Variants in GALNT5 observed in about 807,000 individuals in gnomAD.
GALNT5 encodes UDP-GalNAc:polypeptide N-acetylgalactosaminyltransferase 5.
A neutral mutation model predicts 85.4 loss-of-function variants in GALNT5; 72 were observed. That is an observed-to-expected ratio of 0.84 (90% CI 0.70 to 1.03). GALNT5 has a LOEUF of 1.03. Ranked by LOEUF, GALNT5 falls within the 50% of genes least tolerant of loss-of-function variation. The pLI is 0.00. For missense variants in GALNT5, 1,137 were observed against 1,135.5 expected, an observed-to-expected ratio of 1.00 and a Z score of -0.02; for synonymous variants, 404 against 397.0, an observed-to-expected ratio of 1.02 and a Z score of -0.21.
rs866069211 is a variant in GALNT5, at chr2:157,316,732, T to G, written c.*5384T>G. On this transcript the variant is annotated 3_prime_UTR_variant, in exon 10 of 10. Transcript: ENST00000259056. ...AGCTTAATGGATAGTATTCCAGGTG[T>G]TGGTGGTGTCTGTATCTCAAAGAAA... Among the ~76,000 whole-genome samples, 18 of 152,168 alleles carry G rather than the reference T, an allele frequency of 1.2e-4. No individual in the cohort carries two copies. Among genetic ancestry groups the G allele is most frequent in the African/African-American group, 3.6e-4 (15 of 41,446 alleles).
At position 157,308,562 on chromosome 2, in the gene GALNT5, C is replaced by T. The variant is rs975608519; in HGVS notation, c.2521-5C>T. 4 of 1,599,900 alleles carry T rather than the reference C, an allele frequency of 2.5e-6. No individual in the cohort carries two copies. Among genetic ancestry groups the T allele is most frequent in the Admixed American group, 3.6e-5 (2 of 56,050 alleles). On this transcript the variant is annotated splice_polypyrimidine_tract_variant and splice_region_variant and intron_variant, in intron 8 of 9. Coordinates refer to ENST00000259056, the MANE Select transcript of GALNT5 (RefSeq NM_014568.3). ...AAGTGACCTCTTTATTCATTTCCCC[C>T]ACAGCTTCAACAATTTAATTACACC...
At chr2:157,303,382 C>T (rs1473284215) in intron 7 of GALNT5, among the ~76,000 whole-genome samples, 1 of 152,088 alleles carries the variant, frequency 6.6e-6, no homozygotes, top group Non-Finnish European at 1.5e-5. Context: ...TGGATTAAAC[C>T]GCTGGCAAAT....
chr2:157,291,680 A>C (rs2105151729), intron 3 of GALNT5, among the ~76,000 whole-genome samples: 1 of 145,676 alleles, frequency 6.9e-6, no homozygotes, highest in East Asian at 2.0e-4. Context: ...TCTGTAAACA[A>C]TCCAGTATTA....
Position 157,286,141 on chromosome 2 carries a change from A to G in GALNT5, c.1741+7A>G, listed in dbSNP as rs745390994. ...GGAGCACAGAATGCAACAGGTAAGA[A>G]GTTACTCATTTTTTTGTTTGTTACA... is the stretch of plus-strand genomic sequence containing the variant. On this transcript the variant is annotated splice_region_variant and intron_variant, in intron 3 of 9. Coordinates refer to ENST00000259056, the MANE Select transcript of GALNT5 (RefSeq NM_014568.3). 1.9e-6 allele frequency: 3 copies of G among 1,603,282 alleles called. No individual in the cohort carries two copies. The Admixed American group carries it at 5.3e-5, about 28-fold the overall frequency.
Position 157,258,987 on chromosome 2 carries a change from C to G in GALNT5, c.905C>G (p.Ser302Ter). 1 of 1,499,002 alleles carries G rather than the reference C, an allele frequency of 6.7e-7. No homozygotes were observed. The highest frequency in any genetic ancestry group is 1.4e-5 in the South Asian group (1 of 69,202). 92.9% of individuals were successfully genotyped at this position (1,499,002 alleles called of 1,614,324 possible). A position where few individuals can be genotyped will look rare whatever the true frequency, so the allele number is the denominator to read the frequency against. ...AATGAGACACCTTTGGGAAGTTTGT[C>G]AAAGGATGATGGAGCTAGAGGGGCT... ...SINETPLGSL[S>*]KDDGARGAHG... The change falls in exon 1 of 10, where the codon TCA (serine) becomes TGA (stop). Residue 302 changes from serine (S) to a stop codon, truncating the protein, a stop_gained. Coordinates refer to ENST00000259056, the MANE Select transcript of GALNT5 (RefSeq NM_014568.3). LOFTEE classifies it high-confidence loss of function.
chr2:157,301,263 A>G (rs2105163361), intron 7 of GALNT5, among the ~76,000 whole-genome samples: 2 of 152,352 alleles, frequency 1.3e-5, no homozygotes, highest in South Asian at 4.1e-4. Flanking sequence ...AGGGTGATGA[A>G]TGAAGTAGAC....
At chr2:157,263,240 C>G (rs1473392814) in intron 1 of GALNT5, among the ~76,000 whole-genome samples, 1 of 152,144 alleles carries the variant, frequency 6.6e-6, no homozygotes, top group East Asian at 1.9e-4. Flanking sequence ...GCACCCTGCA[C>G]ATGACATTTT....
intron 6 of GALNT5, 41 bp from the exon 7 acceptor site, chr2:157,300,635 T>G: frequency 6.9e-7 from 1 of 1,455,866 alleles, no homozygotes; most frequent in East Asian, 2.3e-5. Context: ...GATTTGTGGA[T>G]AATCATTTGA....
chr2:157,286,016 C>T lies in GALNT5; in HGVS notation c.1623C>T (p.Asp541=), dbSNP rs762079612. The change falls in exon 3 of 10, where the codon GAC becomes GAT. Residue 541 remains aspartate (D), a splice_region_variant and synonymous_variant. Coordinates refer to ENST00000259056, the MANE Select transcript of GALNT5 (RefSeq NM_014568.3). The part of the protein sequence containing the change: ...ILLVDDFSTK[D]YLKDNLDKYM... ...TGGTTTATCTTTACTCTGATGTAGA[C>T]TATCTAAAAGATAATTTGGATAAAT... 8 of 1,593,710 alleles carry T rather than the reference C, an allele frequency of 5.0e-6. No individual in the cohort carries two copies. Among genetic ancestry groups the T allele is most frequent in the Non-Finnish European group, 6.9e-6 (8 of 1,161,846 alleles).
intron 3 of GALNT5, among the ~76,000 whole-genome samples, chr2:157,287,403 C>G (rs1318538254): frequency 6.6e-6 from 1 of 151,526 alleles, no homozygotes; most frequent in Non-Finnish European, 1.5e-5. Flanking sequence ...TCTAACTCTT[C>G]CTCCCTTTCC....
In GALNT5 at chr2:157,259,502, G is replaced by C; in HGVS notation, c.1420G>C (p.Val474Leu). 7.0e-7 allele frequency: 1 copy of C among 1,420,588 alleles called. No individual in the cohort carries two copies. The highest frequency in any genetic ancestry group is 9.3e-7 in the Non-Finnish European group (1 of 1,080,642). 88.0% of individuals were successfully genotyped at this position (1,420,588 alleles called of 1,614,324 possible). Reference sequence around the variant, plus strand: ...TGTCTACCTTAGCGATTTGATCCCAGTGGATAGAGCCATTGAAGACACCAG... The same window carrying C: ...TGTCTACCTTAGCGATTTGATCCCACTGGATAGAGCCATTGAAGACACCAG... Reference protein sequence around the residue: ...FNVYLSDLIPVDRAIEDTRPA... With the variant: ...FNVYLSDLIPLDRAIEDTRPA... Residue 474 changes from valine (V) to leucine (L), a missense_variant, in exon 1 of 10, where the codon GTG (valine) becomes CTG (leucine). By Grantham distance (32) the Val-to-Leu change is conservative. Coordinates refer to ENST00000259056, the MANE Select transcript of GALNT5 (RefSeq NM_014568.3).
At chr2:157,307,469 G>A (rs1683478214) in intron 8 of GALNT5, among the ~76,000 whole-genome samples, 1 of 152,146 alleles carries the variant, frequency 6.6e-6, no homozygotes, top group African/African-American at 2.4e-5. Context: ...TCTCTTAGTA[G>A]CACATAACTT....
intron 3 of GALNT5, among the ~76,000 whole-genome samples, chr2:157,286,837 T>C (rs1012936925): frequency 6.6e-6 from 1 of 152,078 alleles, no homozygotes; most frequent in African/African-American, 2.4e-5. Context: ...CTGCATTTGA[T>C]ACTTTGGTCT....
chr2:157,288,927 A>T (rs2121345), intron 3 of GALNT5, among the ~76,000 whole-genome samples: 2 of 152,026 alleles, frequency 1.3e-5, no homozygotes, highest in Non-Finnish European at 2.9e-5. Flanking sequence ...TGTGAAGAGA[A>T]TAAGAATGAC....
chr2:157,263,760 C>A (rs935095611), intron 1 of GALNT5, among the ~76,000 whole-genome samples: 1 of 152,114 alleles, frequency 6.6e-6, no homozygotes, highest in South Asian at 2.1e-4. Flanking sequence ...TCAAATGAAA[C>A]CTGCAGCAAG....
At position 157,317,257 on chromosome 2, in the gene GALNT5, C is replaced by A; in HGVS notation, c.*5909C>A. The stretch of plus-strand genomic sequence containing the variant: ...AAATATCAAGAGTTTCTATTCACAA[C>A]ATAAAGAAAATAAAATGTTTTTAGA... On this transcript the variant is annotated 3_prime_UTR_variant, in exon 10 of 10. Transcript: ENST00000259056. Among the ~76,000 whole-genome samples the A allele has an allele frequency of 6.7e-6, 1 of 148,248 alleles. No individual in the cohort carries two copies. The highest frequency in any genetic ancestry group is 2.5e-5 in the African/African-American group (1 of 40,294).
intron 3 of GALNT5, among the ~76,000 whole-genome samples, chr2:157,287,065 T>C (rs1682993644): frequency 1.3e-5 from 2 of 152,174 alleles, no homozygotes; most frequent in Admixed American, 1.3e-4. Flanking sequence ...ACATAGGTGA[T>C]AGAAATGGTA....
At chr2:157,310,287 G>T (rs1683542167) in intron 9 of GALNT5, among the ~76,000 whole-genome samples, 1 of 152,110 alleles carries the variant, frequency 6.6e-6, no homozygotes, top group Non-Finnish European at 1.5e-5. Context: ...ATAGCTTGGT[G>T]ATCAGCTTTC....
chr2:157,269,822 T>C (rs1045518938), intron 1 of GALNT5, among the ~76,000 whole-genome samples: 2 of 152,196 alleles, frequency 1.3e-5, no homozygotes, highest in African/African-American at 2.4e-5. Context: ...CTCCTCCTGA[T>C]ACAATTCCTT....
Sources: gnomAD v4.1 joint callset for allele counts (sites outside exome capture counted in the v4.1 genomes callset) on GRCh38, gnomAD v4.1.1 for gene constraint, MANE v1.5 for transcripts, NCBI Gene and HGNC (gene_info 2026-07-23, HGNC 2026-07-21) for gene names.